The following SLC17A9 variants were observed in gnomAD, a reference collection of about 807,000 sequenced individuals.
SLC17A9 encodes the protein solute carrier family 17 member 9.
In SLC17A9, 49 loss-of-function variants were observed where a neutral mutation model predicts 55.0. The observed-to-expected ratio is 0.89, with a 90% CI of 0.71 to 1.13. The LOEUF (loss-of-function observed/expected upper bound fraction) is 1.13, where lower values mean the gene tolerates loss of function less well. Among genes scored for constraint, SLC17A9 ranks in the 50% most tolerant of loss-of-function variants. SLC17A9 has a pLI of 0.00. For synonymous variants in SLC17A9, 256 were observed against 247.4 expected (o/e 1.03, Z -0.32); for missense variants, 526 against 569.3 (o/e 0.92, Z 0.77).
chr20:62,960,704 G>A, intron 4 of SLC17A9, 101 bp downstream of exon 4: 1 of 1,152,518 alleles, frequency 8.7e-7, no homozygotes, highest in Non-Finnish European at 1.2e-6. Flanking sequence ...TGGGCTTGCA[G>A]GGCCACCATG....
Position 62,958,169 on chromosome 20 carries a change from G to A in SLC17A9, c.397+589G>A, listed in dbSNP as rs1179518404. On this transcript the variant is annotated intron_variant, in intron 3 of 12. Coordinates refer to ENST00000370351, the MANE Select transcript of SLC17A9 (RefSeq NM_022082.4). The surrounding 1 kb of genome is among the most constrained non-coding windows in gnomAD (Gnocchi z 4.1). ...TGAGTGTGCCCGTATGAGGGTGTACGTGTGGCCATGTGTGTGCCTTCTGTA... is the reference window on the plus strand; with the variant it reads ...TGAGTGTGCCCGTATGAGGGTGTACATGTGGCCATGTGTGTGCCTTCTGTA... Among the ~76,000 whole-genome samples, 2 of 152,162 alleles carry A rather than the reference G, an allele frequency of 1.3e-5. No individual in the cohort carries two copies. The highest frequency in any genetic ancestry group is 1.5e-5 in the Non-Finnish European group (1 of 68,024).
Position 62,967,521 on chromosome 20 carries a change from C to G in SLC17A9, c.*21C>G. On this transcript the variant is annotated 3_prime_UTR_variant, in exon 13 of 13. Coordinates refer to ENST00000370351, the MANE Select transcript of SLC17A9 (RefSeq NM_022082.4). ...TCTAGCTCCCAACCCCACAGCCTCT[C>G]CAAGGACCCAGGCGCCAGCAGCCCC... The G allele has an allele frequency of 6.2e-7, 1 of 1,608,214 alleles. No individual in the cohort carries two copies. Among genetic ancestry groups the G allele is most frequent in the Non-Finnish European group, 8.5e-7 (1 of 1,176,294 alleles).
intron 1 of SLC17A9, 91 bp downstream of exon 1, chr20:62,952,980 G>C (rs1482275885): frequency 3.7e-6 from 5 of 1,366,620 alleles, no homozygotes; most frequent in Non-Finnish European, 4.9e-6. Context: ...GACGATGCTA[G>C]GTGGGGAGGG....
chr20:62,954,967 C>G (rs775472690), intron 1 of SLC17A9, among the ~76,000 whole-genome samples: 9 of 152,136 alleles, frequency 5.9e-5, no homozygotes, highest in South Asian at 2.1e-4. Flanking sequence ...CACCTCCCCC[C>G]CTTTCTTTTT....
intron 10 of SLC17A9, 110 bp from the exon 11 acceptor site, chr20:62,966,415 C>T (rs149306136): frequency 2.8e-4 from 351 of 1,240,360 alleles, no homozygotes; most frequent in Middle Eastern, 4.0e-4. Context: ...CGTGTCCCAG[C>T]CCCTCCCGTG....
In SLC17A9 at chr20:62,962,668, ACGGCTGGCAGAGCATCTTCTAT is replaced by A. The variant is rs1458306099; in HGVS notation, c.543_564del (p.Gly182SerfsTer18). On this transcript the variant is annotated frameshift_variant, in exon 5 of 13. Transcript: ENST00000370351. LOFTEE classifies it high-confidence loss of function. This position sits in a 1 kb window ranked among gnomAD's most constrained non-coding sequence, Gnocchi z 5.5. ...GTGGGCTCCCTGCTCCTGGAATGGT[ACGGCTGGCAGAGCATCTTCTAT>A]TTCTCCGGCGGCCTCACCTTGCTTT... The A allele has an allele frequency of 6.2e-7, 1 of 1,613,994 alleles. No individual in the cohort carries two copies. The highest frequency in any genetic ancestry group is 1.7e-5 in the Admixed American group (1 of 60,008).
In SLC17A9 at chr20:62,962,513, C is replaced by A; in HGVS notation, c.498-111C>A. On this transcript the variant is annotated intron_variant, in intron 4 of 12. Transcript: ENST00000370351. The surrounding 1 kb of genome is among the most constrained non-coding windows in gnomAD (Gnocchi z 5.5). ...GCTGCTCCTCTGGAGGCGATGAAAACACCCTCTTCTCCAGGGGCTCAGCCT... is the reference window on the plus strand; with the variant it reads ...GCTGCTCCTCTGGAGGCGATGAAAAAACCCTCTTCTCCAGGGGCTCAGCCT... 7.1e-7 allele frequency: 1 copy of A among 1,406,904 alleles called. No individual in the cohort carries two copies. Among genetic ancestry groups the A allele is most frequent in the Non-Finnish European group, 9.5e-7 (1 of 1,047,666 alleles). The allele number at this position is 1,406,904 out of a possible 1,614,324, so 87.2% of individuals were successfully genotyped here.
At position 62,963,602 on chromosome 20, in the gene SLC17A9, G is replaced by C. The variant is rs58891433; in HGVS notation, c.744G>C (p.Gln248His). The change falls in exon 7 of 13, where the codon CAG becomes CAC. Residue 248 changes from glutamine (Q) to histidine (H), a missense_variant. By Grantham distance (24) the Gln-to-His change is conservative. Coordinates refer to ENST00000370351, the MANE Select transcript of SLC17A9 (RefSeq NM_022082.4). ...KPAVWAAVVSQLSAACSFFIL... is the reference protein window; with the variant it reads ...KPAVWAAVVSHLSAACSFFIL... ...CCCGCAGGGCAGCCGTCGTCTCCCA[G>C]CTCTCTGCAGCCTGCTCCTTCTTCA... 1.9e-6 allele frequency: 3 copies of C among 1,599,008 alleles called. No homozygotes were observed. The highest frequency in any genetic ancestry group is 1.7e-6 in the Non-Finnish European group (2 of 1,172,766).
intron 1 of SLC17A9, chr20:62,953,357 C>T: frequency 1.4e-6 from 2 of 1,459,690 alleles, no homozygotes; most frequent in Non-Finnish European, 1.9e-6. Context: ...TGAGGACGAG[C>T]TCCCCGCTGG....
chr20:62,958,601 C>T lies in SLC17A9; in HGVS notation c.397+1021C>T, dbSNP rs547152409. 1.3e-5 allele frequency among the ~76,000 whole-genome samples: 2 copies of T among 152,064 alleles called. No individual in the cohort carries two copies. Among genetic ancestry groups the T allele is most frequent in the African/African-American group, 2.4e-5 (1 of 41,404 alleles). On this transcript the variant is annotated intron_variant, in intron 3 of 12. Coordinates refer to ENST00000370351, the MANE Select transcript of SLC17A9 (RefSeq NM_022082.4). This position sits in a 1 kb window ranked among gnomAD's most constrained non-coding sequence, Gnocchi z 4.1. ...AGTGTCCTGGGCCATCCAGACCCCCCACTCAGGACTCCCCCTACCTTCCTG... is the reference window on the plus strand; with the variant it reads ...AGTGTCCTGGGCCATCCAGACCCCCTACTCAGGACTCCCCCTACCTTCCTG...
chr20:62,960,659 G>A (rs1363304961), intron 4 of SLC17A9, 56 bp downstream of exon 4: 8 of 1,524,324 alleles, frequency 5.2e-6, no homozygotes, highest in African/African-American at 1.4e-5. Flanking sequence ...GCCCCTTGCC[G>A]AGTGGCCCCT....
At chr20:62,953,927 C>G (rs1459857281) in intron 1 of SLC17A9, among the ~76,000 whole-genome samples, 1 of 152,256 alleles carries the variant, frequency 6.6e-6, no homozygotes, top group East Asian at 1.9e-4. Context: ...CCCTTGCTCT[C>G]TTCCTCTTCC....
At chr20:62,965,484 T>G in intron 9 of SLC17A9, 126 bp from the exon 10 acceptor site, 3 of 885,554 alleles carry the variant, frequency 3.4e-6, no homozygotes, top group Non-Finnish European at 5.4e-6. Context: ...TGAGAGAAGT[T>G]TGTGGTCGCA....
rs2065544507 is a variant in SLC17A9, at chr20:62,957,189, G to A, written c.257+227G>A. 6.1e-6 allele frequency: 6 copies of A among 985,296 alleles called. No homozygotes were observed. In the South Asian group the frequency reaches 2.3e-4, roughly 39 times the overall value. 61.0% of individuals were successfully genotyped at this position (985,296 alleles called of 1,614,324 possible). A position where few individuals can be genotyped will look rare whatever the true frequency, so the allele number is the denominator to read the frequency against. On this transcript the variant is annotated intron_variant, in intron 2 of 12. Transcript: ENST00000370351. ...TAAATCTGGGCAGAAGACCCCCCCA[G>A]AGGAAGATGGGAGCTGGGAGGGGAG...
chr20:62,960,685 TG>T, intron 4 of SLC17A9, 82 bp downstream of exon 4: 1 of 1,317,292 alleles, frequency 7.6e-7, no homozygotes. Flanking sequence ...GCGTGGGGGA[TG>T]GGCCACATGG....
At position 62,966,540 on chromosome 20, in the gene SLC17A9, C is replaced by T; in HGVS notation, c.1077C>T (p.Asn359=). 1 of 1,614,044 alleles carries T rather than the reference C, an allele frequency of 6.2e-7. No homozygotes were observed. The highest frequency in any genetic ancestry group is 8.5e-7 in the Non-Finnish European group (1 of 1,179,928). Residue 359 remains asparagine, a synonymous_variant, in exon 11 of 13, where the codon AAC becomes AAT. Transcript: ENST00000370351. ...QTFNHSGISV[N]IQDLAPSCAG... ...CTCCCCACAGTGGCATTTCTGTTAA[C>T]ATCCAGGACTTGGCCCCGTCCTGCG...
In SLC17A9 at chr20:62,967,835, C is replaced by T. The variant is rs756557015; in HGVS notation, c.*335C>T. The T allele has an allele frequency of 1.9e-4, 37 of 197,376 alleles. No homozygotes were observed. The highest frequency in any genetic ancestry group is 3.2e-4 in the Non-Finnish European group (31 of 97,506). The allele number at this position is 197,376 out of a possible 1,614,324, so 12.2% of individuals were successfully genotyped here. Reference sequence around the variant, plus strand: ...CTCATTCCCACCACGATCTGTTCCGCGTGGTTCCCGCCAAACCTCCCTCGG... The same window carrying T: ...CTCATTCCCACCACGATCTGTTCCGTGTGGTTCCCGCCAAACCTCCCTCGG... On this transcript the variant is annotated 3_prime_UTR_variant, in exon 13 of 13. Coordinates refer to ENST00000370351, the MANE Select transcript of SLC17A9 (RefSeq NM_022082.4).
chr20:62,959,109 G>A (rs2065566987), intron 3 of SLC17A9, among the ~76,000 whole-genome samples: 1 of 152,196 alleles, frequency 6.6e-6, no homozygotes, highest in South Asian at 2.1e-4. Context: ...TTTGTTTACT[G>A]GAGGGTCTTC....
At position 62,966,490 on chromosome 20, in the gene SLC17A9, C is replaced by T. The variant is rs771811298; in HGVS notation, c.1062-35C>T. 4 of 1,610,092 alleles carry T rather than the reference C, an allele frequency of 2.5e-6. No individual in the cohort carries two copies. In the East Asian group the frequency reaches 6.7e-5, roughly 27 times the overall value. On this transcript the variant is annotated intron_variant, in intron 10 of 12. Transcript: ENST00000370351. The stretch of plus-strand genomic sequence containing the variant: ...CCCTGGGCCACCAGCTCGGTGGTGG[C>T]CAGGGCCACTCACCACCCTCTTTCC...
Sources: gnomAD v4.1 joint callset for allele counts (sites outside exome capture counted in the v4.1 genomes callset) on GRCh38, gnomAD v4.1.1 for gene constraint, Gnocchi (gnomAD v3.1) non-coding constraint, MANE v1.5 for transcripts, NCBI Gene and HGNC (gene_info 2026-07-23, HGNC 2026-07-21) for gene names.